SPOCK1: variants seen among roughly 807,000 people sequenced by gnomAD.
SPOCK1 encodes SPARC (osteonectin), cwcv and kazal like domains proteoglycan 1.
In SPOCK1, 23 loss-of-function variants were observed where a neutral mutation model predicts 55.3. The observed-to-expected ratio is 0.42, with a 90% CI of 0.30 to 0.59. SPOCK1 has a LOEUF of 0.59. SPOCK1 is among the 20% of genes least tolerant of loss of function. The pLI is 0.22. For missense variants in SPOCK1, 499 were observed against 552.5 expected (o/e 0.90, Z 0.97); for synonymous variants, 226 against 221.0 (o/e 1.02, Z -0.20).
In SPOCK1 at chr5:137,079,536, C is replaced by CCG. The variant is rs1554096420; in HGVS notation, c.475-11708_475-11707insCG. On this transcript the variant is annotated intron_variant, in intron 5 of 10. Coordinates refer to ENST00000394945, the MANE Select transcript of SPOCK1 (RefSeq NM_004598.4). ...CTCTCCTACCATCCCATCTGATTCC[C>CCG]CCCCCCCCCGACTTAGTGAAATGTC... Among the ~76,000 whole-genome samples the CCG allele has an allele frequency of 5.4e-4, 62 of 113,922 alleles. 2 individuals carry two copies. The East Asian group carries it at 7.1e-3, about 13-fold the overall frequency. 74.7% of individuals were successfully genotyped at this position (113,922 alleles called of 152,430 possible). A position where few individuals can be genotyped will look rare whatever the true frequency, so the allele number is the denominator to read the frequency against.
In SPOCK1 at chr5:137,299,506, C is replaced by T. The variant is rs188275162; in HGVS notation, c.187-32451G>A. Among the ~76,000 whole-genome samples the T allele has an allele frequency of 4.7e-3, 715 of 151,788 alleles. 4 individuals are homozygous for T. Among genetic ancestry groups the T allele is most frequent in the African/African-American group, 0.016 (670 of 41,454 alleles). ...TAAAATACATATATTTCATTCATTC[C>T]TGTAGATTCATGTTGCCATCTGGTA... On this transcript the variant is annotated intron_variant, in intron 2 of 10. Coordinates refer to ENST00000394945, the MANE Select transcript of SPOCK1 (RefSeq NM_004598.4).
chr5:137,239,405 CTG>C (rs1001490105), intron 3 of SPOCK1, among the ~76,000 whole-genome samples: 14 of 152,058 alleles, frequency 9.2e-5, no homozygotes, highest in African/African-American at 3.4e-4. Context: ...AAGTATTTAC[CTG>C]TGTTTTAAGT....
rs904210655 is a variant in SPOCK1, at chr5:137,305,117, C to T, written c.187-38062G>A. ...CACTCATCATTCCAATTTTATTAAC[C>T]ACCCTCGAATTTGCTGTAGCCCTTA... On this transcript the variant is annotated intron_variant, in intron 2 of 10. Transcript: ENST00000394945. Among the ~76,000 whole-genome samples, 8 of 152,300 alleles carry T rather than the reference C, an allele frequency of 5.3e-5. No individual in the cohort carries two copies. In the East Asian group the frequency reaches 1.2e-3, roughly 22 times the overall value.
At chr5:137,016,944 C>A (rs1413083760) in intron 6 of SPOCK1, among the ~76,000 whole-genome samples, 1 of 152,222 alleles carries the variant, frequency 6.6e-6, no homozygotes, top group Non-Finnish European at 1.5e-5. Flanking sequence ...AGGTGTTGGG[C>A]CACTCCTATG....
At chr5:137,012,542 G>A (rs1477342702) in intron 6 of SPOCK1, among the ~76,000 whole-genome samples, 3 of 152,098 alleles carry the variant, frequency 2.0e-5, no homozygotes, top group African/African-American at 7.2e-5. Flanking sequence ...TGAGGCTTGG[G>A]GAAGTGACAT....
intron 5 of SPOCK1, among the ~76,000 whole-genome samples, chr5:137,102,616 T>C (rs1753291711): frequency 6.6e-6 from 1 of 152,230 alleles, no homozygotes; most frequent in African/African-American, 2.4e-5. Context: ...ACTAGTATTT[T>C]ACATTACTTT....
chr5:137,186,805 C>T (rs1384776555), intron 3 of SPOCK1, among the ~76,000 whole-genome samples: 1 of 152,056 alleles, frequency 6.6e-6, no homozygotes, highest in Admixed American at 6.5e-5. Context: ...CACTGCCTCG[C>T]TTCCTCCCCT....
At chr5:137,302,432 C>T (rs1404990928) in intron 2 of SPOCK1, among the ~76,000 whole-genome samples, 1 of 138,510 alleles carries the variant, frequency 7.2e-6, no homozygotes, top group Admixed American at 7.2e-5. Context: ...AAAAAATTAG[C>T]CAGGTGTGGT....
chr5:137,368,017 G>T (rs1751113909), intron 2 of SPOCK1, among the ~76,000 whole-genome samples: 1 of 152,144 alleles, frequency 6.6e-6, no homozygotes, highest in Non-Finnish European at 1.5e-5. Context: ...CCCCCAAAAG[G>T]CAGTTTCACT....
intron 2 of SPOCK1, among the ~76,000 whole-genome samples, chr5:137,394,555 G>A (rs1751801099): frequency 6.6e-6 from 1 of 152,166 alleles, no homozygotes; most frequent in Non-Finnish European, 1.5e-5. Flanking sequence ...TAGTGCTGGT[G>A]ACCACATGTG....
intron 3 of SPOCK1, among the ~76,000 whole-genome samples, chr5:137,144,104 C>T (rs1429037676): frequency 1.3e-5 from 2 of 152,120 alleles, no homozygotes; most frequent in African/African-American, 4.8e-5. Flanking sequence ...TCAGTACACC[C>T]CACAGGATGA....
At chr5:137,321,746 CA>C (rs1561503993) in intron 2 of SPOCK1, among the ~76,000 whole-genome samples, 2 of 151,878 alleles carry the variant, frequency 1.3e-5, no homozygotes, top group Admixed American at 6.6e-5. Flanking sequence ...GGCATGGTAG[CA>C]GGTGACTGTA....
intron 5 of SPOCK1, among the ~76,000 whole-genome samples, chr5:137,106,717 C>A (rs923027725): frequency 1.3e-5 from 2 of 152,140 alleles, no homozygotes; most frequent in African/African-American, 4.8e-5. Flanking sequence ...CCCAACCATG[C>A]CCACCCTGCA....
intron 2 of SPOCK1, among the ~76,000 whole-genome samples, chr5:137,278,146 C>T (rs1227652659): frequency 6.6e-6 from 1 of 152,188 alleles, no homozygotes; most frequent in Non-Finnish European, 1.5e-5. Context: ...TTCCAAGGAA[C>T]ATCTGGGAAA....
At chr5:137,000,741 G>C (rs1302935078) in intron 6 of SPOCK1, among the ~76,000 whole-genome samples, 1 of 152,134 alleles carries the variant, frequency 6.6e-6, no homozygotes. Flanking sequence ...CTTAAAAACA[G>C]GAGAGAGAAA....
At chr5:137,221,649 T>C (rs1226445487) in intron 3 of SPOCK1, among the ~76,000 whole-genome samples, 1 of 152,148 alleles carries the variant, frequency 6.6e-6, no homozygotes, top group Admixed American at 6.5e-5. Context: ...GCCATGAGGG[T>C]CCAAATATCA....
At chr5:137,021,024 A>G (rs1383366822) in intron 6 of SPOCK1, among the ~76,000 whole-genome samples, 1 of 152,150 alleles carries the variant, frequency 6.6e-6, no homozygotes, top group East Asian at 1.9e-4. Context: ...AGCATTTATT[A>G]TTCCTCAATA....
intron 2 of SPOCK1, among the ~76,000 whole-genome samples, chr5:137,407,952 C>A (rs953132245): frequency 9.9e-5 from 15 of 151,986 alleles, no homozygotes; most frequent in African/African-American, 3.6e-4. Context: ...CCCGCCCCCA[C>A]CCCCACTGCT....
intron 3 of SPOCK1, among the ~76,000 whole-genome samples, chr5:137,222,455 T>C (rs4976419): frequency 0.16 from 24,577 of 152,146 alleles, 2,369 homozygotes; most frequent in South Asian, 0.27. Context: ...TAATTATCTA[T>C]AGGTTTAAAT....
Sources: gnomAD v4.1 joint callset for allele counts (sites outside exome capture counted in the v4.1 genomes callset) on GRCh38, gnomAD v4.1.1 for gene constraint, MANE v1.5 for transcripts, NCBI Gene and HGNC (gene_info 2026-07-23, HGNC 2026-07-21) for gene names.